Variants in PIKFYVE observed in about 807,000 individuals in gnomAD.
PIKFYVE encodes phosphoinositide kinase, FYVE-type zinc finger containing, also known as 1-phosphatidylinositol 3-phosphate 5-kinase.
PIKFYVE carries 122 observed loss-of-function variants against 257.9 expected under a neutral mutation model. The ratio of observed to expected loss-of-function variants is 0.47; its 90% CI spans 0.41 to 0.55. PIKFYVE has a LOEUF of 0.55. Ranked by LOEUF, PIKFYVE falls within the 20% of genes least tolerant of loss-of-function variation. The pLI, the probability that PIKFYVE is intolerant of heterozygous loss-of-function variation, is 0.00. For missense variants in PIKFYVE, 2,160 were observed against 2,536.6 expected (o/e 0.85, Z 3.19); for synonymous variants, 892 against 868.9 (o/e 1.03, Z -0.47).
At chr2:208,332,711 A>C (rs1469719431) in intron 23 of PIKFYVE, among the ~76,000 whole-genome samples, 1 of 152,122 alleles carries the variant, frequency 6.6e-6, no homozygotes, top group African/African-American at 2.4e-5. Context: ...TTTATTTACA[A>C]ATATACTGGC....
intron 7 of PIKFYVE, among the ~76,000 whole-genome samples, chr2:208,291,986 G>C (rs985644423): frequency 6.6e-6 from 1 of 151,928 alleles, no homozygotes; most frequent in African/African-American, 2.4e-5. Flanking sequence ...AATTTAGTTA[G>C]GTTGTGTTTT....
At chr2:208,317,599 G>GTTAA (rs1340315487) in intron 15 of PIKFYVE, among the ~76,000 whole-genome samples, 1 of 152,122 alleles carries the variant, frequency 6.6e-6, no homozygotes, top group African/African-American at 2.4e-5. Context: ...AAACAATAGT[G>GTTAA]TTAACTGCCA....
intron 1 of PIKFYVE, among the ~76,000 whole-genome samples, chr2:208,268,568 T>C (rs1278898803): frequency 2.6e-5 from 3 of 115,546 alleles, no homozygotes; most frequent in South Asian, 3.5e-4. Context: ...GAGGCCACAG[T>C]GCCTGGCCTC....
intron 12 of PIKFYVE, among the ~76,000 whole-genome samples, chr2:208,309,003 C>T (rs989241568): frequency 4.6e-5 from 7 of 152,096 alleles, no homozygotes; most frequent in Admixed American, 3.9e-4. Flanking sequence ...CCACCGCACC[C>T]GGCCCACTAC....
intron 10 of PIKFYVE, among the ~76,000 whole-genome samples, chr2:208,303,538 A>G (rs1574527492): frequency 6.6e-6 from 1 of 152,236 alleles, no homozygotes; most frequent in Non-Finnish European, 1.5e-5. Context: ...TATACTTACT[A>G]TTCATTAAGT....
intron 14 of PIKFYVE, among the ~76,000 whole-genome samples, chr2:208,314,808 A>G (rs1043197632): frequency 6.6e-6 from 1 of 152,064 alleles, no homozygotes; most frequent in Non-Finnish European, 1.5e-5. Context: ...AGACAGGAGG[A>G]TTGCTTGAAC....
chr2:208,353,750 A>G lies in PIKFYVE; in HGVS notation c.5845-148A>G, dbSNP rs118095195. 9.7e-5 allele frequency: 91 copies of G among 933,900 alleles called. No individual in the cohort carries two copies. The East Asian group carries it at 2.3e-3, about 24-fold the overall frequency. 57.9% of individuals were successfully genotyped at this position (933,900 alleles called of 1,614,324 possible). ...ATATCACCATGCGTTTAAAAACTTA[A>G]AAATTATGATTCAATTTTCAGTTAA... On this transcript the variant is annotated intron_variant, in intron 39 of 41. Coordinates refer to ENST00000264380, the MANE Select transcript of PIKFYVE (RefSeq NM_015040.4).
chr2:208,305,149 T>C, intron 12 of PIKFYVE, 136 bp downstream of exon 12: 1 of 1,543,052 alleles, frequency 6.5e-7, no homozygotes, highest in Admixed American at 2.0e-5. Context: ...TTCTACCCTT[T>C]CTCATTTCTC....
intron 12 of PIKFYVE, among the ~76,000 whole-genome samples, chr2:208,310,722 CA>C (rs1694847301): frequency 6.6e-6 from 1 of 151,918 alleles, no homozygotes; most frequent in Non-Finnish European, 1.5e-5. Context: ...CTTTTAAATT[CA>C]TGTTATGAAA....
At chr2:208,284,329 T>C (rs1430957570) in intron 5 of PIKFYVE, among the ~76,000 whole-genome samples, 1 of 151,754 alleles carries the variant, frequency 6.6e-6, no homozygotes, top group African/African-American at 2.4e-5. Context: ...GGCACAGTCT[T>C]GGCTCACTGC....
chr2:208,354,246 C>T, intron 40 of PIKFYVE, 87 bp downstream of exon 40: 2 of 1,431,434 alleles, frequency 1.4e-6, no homozygotes, highest in East Asian at 2.3e-5. Context: ...CTAATAATAG[C>T]TTATTGAATA....
Position 208,271,747 on chromosome 2 carries a change from C to CT in PIKFYVE, c.172+59dup, listed in dbSNP as rs1689447315. On this transcript the variant is annotated intron_variant, in intron 2 of 41. Transcript: ENST00000264380. ...TCAGGTCTGATTGTTTGAAATGCTC[C>CT]TTTGTCTCCAGTGGCTCACCATGAT... The CT allele has an allele frequency of 5.9e-6, 9 of 1,535,456 alleles. No homozygotes were observed. The East Asian group carries it at 1.8e-4, about 31-fold the overall frequency.
chr2:208,319,604 G>A (rs1032298485), intron 16 of PIKFYVE, among the ~76,000 whole-genome samples: 7 of 152,128 alleles, frequency 4.6e-5, no homozygotes, highest in Admixed American at 2.6e-4. Flanking sequence ...CACTGTTTTC[G>A]GAACTGTTTG....
intron 10 of PIKFYVE, among the ~76,000 whole-genome samples, chr2:208,302,984 A>G (rs527443248): frequency 1.3e-5 from 2 of 152,146 alleles, no homozygotes; most frequent in Non-Finnish European, 2.9e-5. Context: ...TGGGAGGCTG[A>G]GACAGGAGAA....
Position 208,333,297 on chromosome 2 carries a change from A to AT in PIKFYVE, c.3964-13dup. On this transcript the variant is annotated splice_polypyrimidine_tract_variant and intron_variant, in intron 23 of 41. Transcript: ENST00000264380. ...TTCTCAATATGTGATTAGGTAAACT[A>AT]TTTTTGCTGAATTCCAGGTAACACC... is the stretch of plus-strand genomic sequence containing the variant. The AT allele has an allele frequency of 1.2e-6, 2 of 1,612,590 alleles. No individual in the cohort carries two copies. The highest frequency in any genetic ancestry group is 1.7e-6 in the Non-Finnish European group (2 of 1,179,030).
chr2:208,276,659 A>G, intron 3 of PIKFYVE, 53 bp from the exon 4 acceptor site: 2 of 1,256,506 alleles, frequency 1.6e-6, no homozygotes, highest in South Asian at 1.2e-5. Flanking sequence ...ACCTTGTTGT[A>G]TATAGATACT....
chr2:208,340,628 A>G (rs1301340725), intron 31 of PIKFYVE, among the ~76,000 whole-genome samples: 1 of 152,246 alleles, frequency 6.6e-6, no homozygotes, highest in Non-Finnish European at 1.5e-5. Flanking sequence ...TGGTTGACCC[A>G]TGTGGCTATC....
intron 29 of PIKFYVE, among the ~76,000 whole-genome samples, chr2:208,338,971 C>T (rs1045734391): frequency 4.6e-5 from 7 of 152,166 alleles, no homozygotes; most frequent in Non-Finnish European, 1.0e-4. Context: ...TTGGTGTCAT[C>T]ATAGAAACTT....
In PIKFYVE at chr2:208,347,961, C is replaced by CTTA; in HGVS notation, c.5313_5315dup (p.Tyr1773dup). On this transcript the variant is annotated inframe_insertion, in exon 35 of 42. Coordinates refer to ENST00000264380, the MANE Select transcript of PIKFYVE (RefSeq NM_015040.4). ...GAGACCTTACGTGGAGCAGATAGTG[C>CTTA]TTACTACCAGGTTGGGCAGACGGGC... The CTTA allele has an allele frequency of 6.2e-7, 1 of 1,614,080 alleles. No individual in the cohort carries two copies. The highest frequency in any genetic ancestry group is 8.5e-7 in the Non-Finnish European group (1 of 1,179,948).
Sources: allele counts gnomAD v4.1 joint callset (sites outside exome capture counted in the v4.1 genomes callset), GRCh38; gene constraint gnomAD v4.1.1; transcripts MANE v1.5; gene names NCBI Gene and HGNC (gene_info 2026-07-23, HGNC 2026-07-21).